Variants in LPP observed in about 807,000 individuals in gnomAD.
LPP encodes LIM domain containing preferred translocation partner in lipoma, also known as lipoma-preferred partner.
LPP carries 38 observed loss-of-function variants against 60.4 expected under a neutral mutation model. The ratio of observed to expected loss-of-function variants is 0.63; its 90% CI spans 0.49 to 0.83. The LOEUF is 0.83. Ranked by LOEUF, LPP falls within the 40% of genes least tolerant of loss-of-function variation. The pLI is 0.00. For synonymous variants in LPP, 328 were observed against 290.8 expected (o/e 1.13, Z -1.30); for missense variants, 902 against 783.6 (o/e 1.15, Z -1.80).
chr3:188,888,803 G>A lies in LPP; in HGVS notation c.*14324G>A, dbSNP rs544729293. On this transcript the variant is annotated 3_prime_UTR_variant, in exon 12 of 12. Coordinates refer to ENST00000617246, the MANE Select transcript of LPP (RefSeq NM_001375462.1). Reference sequence around the variant, plus strand: ...CAATATCCCCTCTCAAGCGGCTACCGTGAAACGGGCTGCAAACACATTCCC... The same window carrying A: ...CAATATCCCCTCTCAAGCGGCTACCATGAAACGGGCTGCAAACACATTCCC... The A allele has an allele frequency of 1.8e-5, 4 of 220,932 alleles. No homozygotes were observed. Among genetic ancestry groups the A allele is most frequent in the East Asian group, 6.6e-5 (1 of 15,212 alleles). The allele number at this position is 220,932 out of a possible 1,614,324, so 13.7% of individuals were successfully genotyped here.
intron 2 of LPP, among the ~76,000 whole-genome samples, chr3:188,236,214 C>T (rs1721871042): frequency 6.6e-6 from 1 of 151,896 alleles, no homozygotes; most frequent in Non-Finnish European, 1.5e-5. Flanking sequence ...TTTACACCAA[C>T]CTAAATATAT....
intron 2 of LPP, among the ~76,000 whole-genome samples, chr3:188,308,276 G>A (rs1752176912): frequency 6.6e-6 from 1 of 152,082 alleles, no homozygotes; most frequent in Non-Finnish European, 1.5e-5. Context: ...GCTGTGATAT[G>A]CCTATATCAC....
chr3:188,811,335 A>G (rs1750872966), intron 9 of LPP, among the ~76,000 whole-genome samples: 1 of 146,522 alleles, frequency 6.8e-6, no homozygotes, highest in African/African-American at 2.6e-5. Flanking sequence ...AAGCGAGAAA[A>G]TGATTAAGTG....
At chr3:188,587,419 C>A (rs1156997522) in intron 6 of LPP, among the ~76,000 whole-genome samples, 1 of 151,520 alleles carries the variant, frequency 6.6e-6, no homozygotes, top group East Asian at 1.9e-4. Flanking sequence ...CCCAAGAAGA[C>A]ATTTATAGGG....
At chr3:188,229,589 A>G (rs1719087066) in intron 2 of LPP, among the ~76,000 whole-genome samples, 1 of 152,148 alleles carries the variant, frequency 6.6e-6, no homozygotes, top group Non-Finnish European at 1.5e-5. Context: ...TTACAAGAGG[A>G]TTTGTCGGGT....
chr3:188,886,607 A>T lies in LPP; in HGVS notation c.*12128A>T, dbSNP rs138936474. 413 of 210,578 alleles carry T rather than the reference A, an allele frequency of 2.0e-3. 1 individual carries two copies. The highest frequency in any genetic ancestry group is 9.1e-3 in the African/African-American group (397 of 43,632). The allele number at this position is 210,578 out of a possible 1,614,324, so 13.0% of individuals were successfully genotyped here. A position where few individuals can be genotyped will look rare whatever the true frequency, so the allele number is the denominator to read the frequency against. On this transcript the variant is annotated 3_prime_UTR_variant, in exon 12 of 12. Transcript: ENST00000617246. ...TTATTTTCAAATACCTTTATAAATC[A>T]TCTAATTTATCTTCACATAATATAA...
At chr3:188,822,759 G>C (rs563861552) in intron 9 of LPP, among the ~76,000 whole-genome samples, 1 of 152,226 alleles carries the variant, frequency 6.6e-6, no homozygotes, top group East Asian at 1.9e-4. Context: ...GGAAGAAGCA[G>C]GCACAATCAC....
At chr3:188,468,465 G>C (rs1290066544) in intron 4 of LPP, among the ~76,000 whole-genome samples, 1 of 152,128 alleles carries the variant, frequency 6.6e-6, no homozygotes, top group Non-Finnish European at 1.5e-5. Context: ...TGGCCATTTG[G>C]CTGTTGCTTG....
At chr3:188,598,008 G>T (rs891215440) in intron 6 of LPP, among the ~76,000 whole-genome samples, 1 of 152,082 alleles carries the variant, frequency 6.6e-6, no homozygotes, top group East Asian at 1.9e-4. Flanking sequence ...TGGGCACCTT[G>T]TCTAATTTTG....
In LPP at chr3:188,395,933, T is replaced by C. The variant is rs1578585976; in HGVS notation, c.-9-10179T>C. Among the ~76,000 whole-genome samples the C allele has an allele frequency of 1.3e-5, 2 of 151,688 alleles. 1 individual carries two copies. Among genetic ancestry groups the C allele is most frequent in the South Asian group, 4.2e-4 (2 of 4,814 alleles). ...TGTCTCTAAATAATAATAATGATAA[T>C]AATAATAATAAAAATAAACAAATAA... is the stretch of plus-strand genomic sequence containing the variant. On this transcript the variant is annotated intron_variant, in intron 3 of 11. Transcript: ENST00000617246.
intron 6 of LPP, among the ~76,000 whole-genome samples, chr3:188,589,134 A>G (rs1220685278): frequency 2.0e-5 from 3 of 151,930 alleles, no homozygotes; most frequent in Non-Finnish European, 4.4e-5. Context: ...ATCTATATAC[A>G]TATATATGTA....
At chr3:188,264,382 AAGG>A (rs1165854384) in intron 2 of LPP, among the ~76,000 whole-genome samples, 2 of 151,824 alleles carry the variant, frequency 1.3e-5, no homozygotes, top group African/African-American at 2.4e-5. Flanking sequence ...GAAGAAAGGC[AAGG>A]AGAAGACAGG....
intron 6 of LPP, among the ~76,000 whole-genome samples, chr3:188,603,647 A>G (rs1841875344): frequency 6.6e-6 from 1 of 152,136 alleles, no homozygotes; most frequent in South Asian, 2.1e-4. Flanking sequence ...ATTATTACAC[A>G]TTTTTGGGGT....
chr3:188,888,259 G>C lies in LPP; in HGVS notation c.*13780G>C, dbSNP rs1436524782. ...TTATGAGACATACAAAAAAGGAAAG[G>C]GAAAGGACTTTCTAAGTAGCAAATC... On this transcript the variant is annotated 3_prime_UTR_variant, in exon 12 of 12. Coordinates refer to ENST00000617246, the MANE Select transcript of LPP (RefSeq NM_001375462.1). 4.5e-6 allele frequency: 1 copy of C among 224,484 alleles called. No homozygotes were observed. 13.9% of individuals were successfully genotyped at this position (224,484 alleles called of 1,614,324 possible). A position where few individuals can be genotyped will look rare whatever the true frequency, so the allele number is the denominator to read the frequency against.
chr3:188,770,274 G>C (rs1735487548), intron 9 of LPP, among the ~76,000 whole-genome samples: 2 of 147,764 alleles, frequency 1.4e-5, no homozygotes, highest in Admixed American at 1.4e-4. Flanking sequence ...CACCTGCCGG[G>C]TTCACGCCAT....
At chr3:188,735,342 T>A (rs945230037) in intron 8 of LPP, among the ~76,000 whole-genome samples, 58 of 152,160 alleles carry the variant, frequency 3.8e-4, no homozygotes, top group Admixed American at 2.2e-3. Context: ...ATTCTTACTG[T>A]ATGTAGTGTA....
At chr3:188,351,323 C>G (rs774550510) in intron 3 of LPP, among the ~76,000 whole-genome samples, 7 of 152,194 alleles carry the variant, frequency 4.6e-5, no homozygotes, top group South Asian at 4.1e-4. Flanking sequence ...CCAGCTCCCC[C>G]ACCCCAGGGA....
chr3:188,688,862 G>C (rs1252782003), intron 7 of LPP: 1 of 521,562 alleles, frequency 1.9e-6, no homozygotes, highest in East Asian at 5.6e-5. Context: ...TGGAGGGCAG[G>C]CACTTTCGTT....
chr3:188,282,487 T>C (rs1343928912), intron 2 of LPP, among the ~76,000 whole-genome samples: 11 of 151,534 alleles, frequency 7.3e-5, no homozygotes, highest in East Asian at 5.8e-4. Context: ...GGAGAGGGAG[T>C]CTTTATTTTG....
Sources: gnomAD v4.1 joint callset for allele counts (sites outside exome capture counted in the v4.1 genomes callset) on GRCh38, gnomAD v4.1.1 for gene constraint, MANE v1.5 for transcripts, NCBI Gene and HGNC (gene_info 2026-07-23, HGNC 2026-07-21) for gene names.